Variants in KLF13 observed in about 807,000 individuals in gnomAD.
KLF13 encodes Krueppel-like factor 13.
KLF13 carries 8 observed loss-of-function variants against 16.7 expected under a neutral mutation model. The ratio of observed to expected loss-of-function variants is 0.48; its 90% confidence interval spans 0.28 to 0.87. The LOEUF is 0.87. Among genes scored for constraint, KLF13 ranks in the 40% least tolerant of loss-of-function variants. KLF13 has a pLI of 0.10. For synonymous variants in KLF13, 245 were observed against 208.4 expected (o/e 1.18, Z -1.51); for missense variants, 447 against 452.2 (o/e 0.99, Z 0.10).
At chr15:31,371,064 G>A (rs2039548239) in intron 1 of KLF13, among the ~76,000 whole-genome samples, 1 of 152,148 alleles carries the variant, frequency 6.6e-6, no homozygotes, top group Non-Finnish European at 1.5e-5. Context: ...TGTAGGAAGG[G>A]CAGCCCTGCG....
rs1460071694 is a variant in KLF13, at chr15:31,335,120, T to TGC, written c.577+7332_577+7333dup. ...GTGGACGTGGCACCCTGCTCATGCTTGCTGAATGGGGGAGCATCCACACCT... is the reference window on the plus strand; with the variant it reads ...GTGGACGTGGCACCCTGCTCATGCTTGCGCTGAATGGGGGAGCATCCACACCT... On this transcript the variant is annotated intron_variant, in intron 1 of 1. Coordinates refer to ENST00000307145, the MANE Select transcript of KLF13 (RefSeq NM_015995.4). 5.3e-5 allele frequency among the ~76,000 whole-genome samples: 8 copies of TGC among 151,978 alleles called. No individual in the cohort carries two copies. In the South Asian group the frequency reaches 1.5e-3, roughly 28 times the overall value.
chr15:31,346,757 C>T (rs74010618), intron 1 of KLF13, among the ~76,000 whole-genome samples: 5,410 of 152,352 alleles, frequency 0.036, 330 homozygotes, highest in African/African-American at 0.12. Context: ...TAGCGAGGGA[C>T]ATCCCAGGCA....
intron 1 of KLF13, 120 bp downstream of exon 1, chr15:31,327,909 G>A (rs112814079): frequency 1.8e-6 from 2 of 1,103,458 alleles, no homozygotes; most frequent in Non-Finnish European, 2.2e-6. Context: ...GGAACGCCCG[G>A]GGCCTCGCCC....
At chr15:31,337,425 C>G (rs2038949076) in intron 1 of KLF13, among the ~76,000 whole-genome samples, 1 of 152,212 alleles carries the variant, frequency 6.6e-6, no homozygotes, top group Non-Finnish European at 1.5e-5. Context: ...GTTTTATTAT[C>G]TTTTCCAGAG....
intron 1 of KLF13, 92 bp downstream of exon 1, chr15:31,327,881 G>C (rs2038746821): frequency 8.5e-7 from 1 of 1,180,284 alleles, no homozygotes. Context: ...GGGGCGCGAG[G>C]TGGGGGCCGG....
At chr15:31,430,935 G>A (rs1341442697) in intron 1 of KLF13, among the ~76,000 whole-genome samples, 7 of 152,136 alleles carry the variant, frequency 4.6e-5, no homozygotes, top group African/African-American at 9.7e-5. Flanking sequence ...CTGAAGACAA[G>A]TACACTCATG....
At chr15:31,337,136 G>T (rs2038941735) in intron 1 of KLF13, among the ~76,000 whole-genome samples, 1 of 152,196 alleles carries the variant, frequency 6.6e-6, no homozygotes, top group African/African-American at 2.4e-5. Flanking sequence ...ATCCACAGGG[G>T]TGCCATCTGC....
rs2039571788 is a variant in KLF13, at chr15:31,372,540, C to T, written c.*241C>T. ...AGTTGAGATTCAGCGTTGTTGAACC[C>T]CCTTTCTCAGGGATGGACACGTTTC... On this transcript the variant is annotated 3_prime_UTR_variant, in exon 2 of 2. Coordinates refer to ENST00000307145, the MANE Select transcript of KLF13 (RefSeq NM_015995.4). The T allele has an allele frequency of 1.9e-6, 1 of 524,918 alleles. No individual in the cohort carries two copies. Among genetic ancestry groups the T allele is most frequent in the South Asian group, 3.2e-5 (1 of 31,640 alleles). 32.5% of individuals were successfully genotyped at this position (524,918 alleles called of 1,614,324 possible). A position where few individuals can be genotyped will look rare whatever the true frequency, so the allele number is the denominator to read the frequency against.
chr15:31,405,440 T>G (rs2040113619), downstream of KLF13, among the ~76,000 whole-genome samples: 1 of 152,254 alleles, frequency 6.6e-6, no homozygotes, highest in African/African-American at 2.4e-5. Flanking sequence ...TCACCAAATA[T>G]GCTGGCGCCT....
chr15:31,400,864 G>A (rs1471057039), intron 2 of KLF13, among the ~76,000 whole-genome samples: 3 of 152,202 alleles, frequency 2.0e-5, no homozygotes, highest in Non-Finnish European at 4.4e-5. Context: ...GCTGTGACAT[G>A]TGGGAGAGAG....
chr15:31,391,713 G>A (rs1237872647), upstream of KLF13, among the ~76,000 whole-genome samples: 1 of 150,732 alleles, frequency 6.6e-6, no homozygotes, highest in Non-Finnish European at 1.5e-5. Flanking sequence ...TCTGTAGGGG[G>A]GCTGTGGGGG....
At chr15:31,332,454 C>T (rs972061772) in intron 1 of KLF13, among the ~76,000 whole-genome samples, 18 of 152,342 alleles carry the variant, frequency 1.2e-4, no homozygotes, top group South Asian at 1.0e-3. Context: ...GTGTGGTGGG[C>T]GCTCAGCCCT....
chr15:31,355,677 A>T (rs1160649098), intron 1 of KLF13, among the ~76,000 whole-genome samples: 1 of 152,114 alleles, frequency 6.6e-6, no homozygotes, highest in African/African-American at 2.4e-5. Flanking sequence ...TGATAATTGG[A>T]TATTTAGGAT....
At chr15:31,328,765 C>G (rs2038771233) in intron 1 of KLF13, among the ~76,000 whole-genome samples, 1 of 152,104 alleles carries the variant, frequency 6.6e-6, no homozygotes, top group South Asian at 2.1e-4. Flanking sequence ...TCGTTTTTAA[C>G]ATAAAGATGA....
chr15:31,423,118 T>C (rs1282606986), intron 1 of KLF13, among the ~76,000 whole-genome samples: 2 of 128,802 alleles, frequency 1.6e-5, no homozygotes, highest in African/African-American at 3.6e-5. Flanking sequence ...TATACGTATA[T>C]ATACGTATAT....
intron 1 of KLF13, chr15:31,420,440 C>G: frequency 1.1e-6 from 1 of 926,298 alleles, no homozygotes; most frequent in Admixed American, 1.8e-5. Context: ...CTGCTACCAC[C>G]CCAACATAGA....
chr15:31,327,187 C>A lies in KLF13; in HGVS notation c.-26C>A, dbSNP rs1258550429. The A allele has an allele frequency of 3.8e-6, 5 of 1,302,224 alleles. No individual in the cohort carries two copies. The Admixed American group carries it at 1.3e-4, about 33-fold the overall frequency. 80.7% of individuals were successfully genotyped at this position (1,302,224 alleles called of 1,614,324 possible). A position where few individuals can be genotyped will look rare whatever the true frequency, so the allele number is the denominator to read the frequency against. ...CGCGGCTGACGACTCGCAGCAAGAG[C>A]ACCGCCGCCGGCCCCAGCCCGCAGC... On this transcript the variant is annotated 5_prime_UTR_variant, in exon 1 of 2. Transcript: ENST00000307145.
chr15:31,379,015 A>C (rs370772010), downstream of KLF13, among the ~76,000 whole-genome samples: 4 of 152,294 alleles, frequency 2.6e-5, no homozygotes, highest in African/African-American at 9.6e-5. Context: ...CCACCATACC[A>C]GGCCTGTGAT....
At position 31,374,322 on chromosome 15, in the gene KLF13, G is replaced by GGA. The variant is rs2039608389; in HGVS notation, c.*2027_*2028dup. The GGA allele has an allele frequency of 6.6e-6, 1 of 152,480 alleles. No individual in the cohort carries two copies. 9.4% of individuals were successfully genotyped at this position (152,480 alleles called of 1,614,324 possible). On this transcript the variant is annotated 3_prime_UTR_variant, in exon 2 of 2. Transcript: ENST00000307145. ...TTTCTGCTGTGGTGGGAACTGGCAG[G>GGA]GAGAGGGTCACCTCCACTCTGGTTG...
Sources: gnomAD v4.1 joint callset for allele counts (sites outside exome capture counted in the v4.1 genomes callset) on GRCh38, gnomAD v4.1.1 for gene constraint, MANE v1.5 for transcripts, NCBI Gene and HGNC (gene_info 2026-07-23, HGNC 2026-07-21) for gene names.